MACROD2: variants seen among roughly 807,000 people sequenced by gnomAD.
MACROD2 encodes the protein ADP-ribose glycohydrolase MACROD2.
In MACROD2, 36 loss-of-function variants were observed where a neutral mutation model predicts 70.4. The observed-to-expected ratio is 0.51, with a 90% confidence interval of 0.39 to 0.68. The LOEUF is 0.68. Among genes scored for constraint, MACROD2 ranks in the 30% least tolerant of loss-of-function variants. The probability of loss-of-function intolerance (pLI) is 0.00; values close to 1 mark genes in which losing one functional copy is unlikely to be tolerated. For synonymous variants in MACROD2, 172 were observed against 178.8 expected (o/e 0.96, Z 0.30); for missense variants, 496 against 538.4 (o/e 0.92, Z 0.78).
intron 4 of MACROD2, among the ~76,000 whole-genome samples, chr20:14,636,237 G>A (rs2123481706): frequency 6.6e-6 from 1 of 151,944 alleles, no homozygotes; most frequent in African/African-American, 2.4e-5. Context: ...TGTTTCGGAA[G>A]TTCCTATCCT....
chr20:14,716,810 C>G (rs1453042143), intron 5 of MACROD2, among the ~76,000 whole-genome samples: 2 of 151,934 alleles, frequency 1.3e-5, no homozygotes, highest in Non-Finnish European at 2.9e-5. Flanking sequence ...AGCTGATGAA[C>G]GAGACTAGCT....
intron 4 of MACROD2, among the ~76,000 whole-genome samples, chr20:14,582,690 G>A (rs1339041821): frequency 6.6e-6 from 1 of 152,086 alleles, no homozygotes. Context: ...TGTGTCTTCT[G>A]TTGCCCAGAA....
intron 3 of MACROD2, among the ~76,000 whole-genome samples, chr20:14,089,907 G>A (rs994769627): frequency 6.6e-6 from 1 of 152,146 alleles, no homozygotes; most frequent in African/African-American, 2.4e-5. Context: ...TTTAGTTTCA[G>A]GGAGTGCTTG....
intron 9 of MACROD2, among the ~76,000 whole-genome samples, chr20:15,877,597 C>T (rs899528756): frequency 1.3e-5 from 2 of 152,158 alleles, no homozygotes; most frequent in Non-Finnish European, 2.9e-5. Context: ...TCTCCCTTAT[C>T]GGACATTCTT....
intron 5 of MACROD2, among the ~76,000 whole-genome samples, chr20:14,796,600 G>A (rs887551727): frequency 5.3e-5 from 8 of 152,006 alleles, no homozygotes; most frequent in Non-Finnish European, 1.2e-4. Flanking sequence ...TAAGAGTACA[G>A]CATTTATTTT....
chr20:15,581,176 C>A (rs937901794), intron 8 of MACROD2, among the ~76,000 whole-genome samples: 1 of 152,122 alleles, frequency 6.6e-6, no homozygotes, highest in Non-Finnish European at 1.5e-5. Context: ...CTTGAGGCTT[C>A]TTTTTCAGTT....
At chr20:15,070,520 G>T (rs765270940) in intron 5 of MACROD2, among the ~76,000 whole-genome samples, 8 of 152,028 alleles carry the variant, frequency 5.3e-5, no homozygotes, top group Non-Finnish European at 7.4e-5. Context: ...GGTCTAGTGG[G>T]GAGTGTTTAG....
At chr20:14,640,523 G>C (rs1331562277) in intron 4 of MACROD2, among the ~76,000 whole-genome samples, 1 of 152,084 alleles carries the variant, frequency 6.6e-6, no homozygotes, top group Non-Finnish European at 1.5e-5. Flanking sequence ...AGGTGGCAAG[G>C]TCAAAGAGTG....
At chr20:15,924,507 T>C (rs2065459628) in intron 10 of MACROD2, among the ~76,000 whole-genome samples, 1 of 152,234 alleles carries the variant, frequency 6.6e-6, no homozygotes, top group South Asian at 2.1e-4. Flanking sequence ...ACAACTTTTT[T>C]TTATTTTTCT....
intron 17 of MACROD2, among the ~76,000 whole-genome samples, chr20:16,045,645 CATA>C (rs1347787278): frequency 6.6e-6 from 1 of 151,984 alleles, no homozygotes; most frequent in Admixed American, 6.6e-5. Flanking sequence ...AAATCTTTAA[CATA>C]ATGTTGTTAC....
intron 7 of MACROD2, among the ~76,000 whole-genome samples, chr20:15,452,366 G>A (rs971982747): frequency 1.3e-5 from 2 of 152,094 alleles, no homozygotes; most frequent in Non-Finnish European, 2.9e-5. Flanking sequence ...ACAGTAAACA[G>A]TGGGATAATA....
At chr20:14,141,102 T>C (rs2054867522) in intron 3 of MACROD2, among the ~76,000 whole-genome samples, 1 of 152,226 alleles carries the variant, frequency 6.6e-6, no homozygotes, top group African/African-American at 2.4e-5. Flanking sequence ...ATTCTAATCC[T>C]GAGTGATTCA....
At chr20:15,359,542 G>T (rs2078327960) in intron 6 of MACROD2, among the ~76,000 whole-genome samples, 1 of 150,956 alleles carries the variant, frequency 6.6e-6, no homozygotes, top group Non-Finnish European at 1.5e-5. Flanking sequence ...TAATTTATAA[G>T]AAATTAATAA....
chr20:14,337,652 G>T (rs748894056), intron 3 of MACROD2: 11 of 398,058 alleles, frequency 2.8e-5, no homozygotes, highest in South Asian at 2.5e-4. Flanking sequence ...GCTTCACCTC[G>T]CAGTGGCTGA....
At chr20:14,909,743 AAAAAC>A (rs1375857635) in intron 5 of MACROD2, among the ~76,000 whole-genome samples, 5 of 152,168 alleles carry the variant, frequency 3.3e-5, no homozygotes, top group East Asian at 1.9e-4. Flanking sequence ...CCTATCTGAA[AAAAAC>A]AAAACAAAAC....
intron 10 of MACROD2, chr20:15,894,022 C>G (rs1404609258): frequency 2.3e-6 from 1 of 434,660 alleles, no homozygotes; most frequent in South Asian, 1.6e-5. Context: ...TGCTCAGTCA[C>G]TGGCTGCAAG....
intron 6 of MACROD2, among the ~76,000 whole-genome samples, chr20:15,426,457 ACTTCAGCCTC>A (rs2046299502): frequency 6.6e-6 from 1 of 151,956 alleles, no homozygotes; most frequent in South Asian, 2.1e-4. Context: ...TGATTCTGCC[ACTTCAGCCTC>A]CTGAGTAGCT....
chr20:15,039,258 G>T (rs2075336959), intron 5 of MACROD2, among the ~76,000 whole-genome samples: 1 of 152,192 alleles, frequency 6.6e-6, no homozygotes, highest in Admixed American at 6.5e-5. Flanking sequence ...AGCAAAGCTT[G>T]TTTGTTCACA....
At chr20:15,277,646 C>G (rs2146081129) in intron 6 of MACROD2, among the ~76,000 whole-genome samples, 1 of 152,162 alleles carries the variant, frequency 6.6e-6, no homozygotes, top group East Asian at 1.9e-4. Context: ...ACAGACAACA[C>G]TTTGGATAGA....
Sources: allele counts gnomAD v4.1 joint callset (sites outside exome capture counted in the v4.1 genomes callset), GRCh38; gene constraint gnomAD v4.1.1; transcripts MANE v1.5; gene names NCBI Gene and HGNC (gene_info 2026-07-23, HGNC 2026-07-21).